Variants in CT55 observed in about 807,000 individuals in gnomAD.
The protein encoded by CT55 is cancer/testis antigen 55.
Under a neutral mutation model 12.6 loss-of-function variants are expected in CT55, and 1 was observed. The observed-to-expected ratio is 0.08, with a 90% confidence interval of 0.03 to 0.38. CT55 has a LOEUF of 0.38. Ranked by LOEUF, CT55 falls within the 10% of genes least tolerant of loss-of-function variation. The pLI, the probability that CT55 is intolerant of heterozygous loss-of-function variation, is 0.99. For missense variants in CT55, 109 were observed against 135.4 expected, an observed-to-expected ratio of 0.80 and a Z score of 0.97; for synonymous variants, 43 against 49.7, an observed-to-expected ratio of 0.87 and a Z score of 0.57.
intron 3 of CT55, among the ~76,000 whole-genome samples, chrX:135,159,901 C>G (rs1300673827): frequency 9.1e-6 from 1 of 109,636 alleles, no homozygotes; most frequent in African/African-American, 3.4e-5. Context: ...ATATATCTGC[C>G]GATTACAAAG....
Position 135,163,540 on chromosome X carries a change from G to A in CT55, c.280-2985C>T, listed in dbSNP as rs782565501. 1.7e-4 allele frequency among the ~76,000 whole-genome samples: 19 copies of A among 111,045 alleles called. No homozygotes were observed. In the South Asian group the frequency reaches 7.3e-3, roughly 43 times the overall value. The stretch of plus-strand genomic sequence containing the variant: ...AGACAAAATTAAAAGGAAGGACACG[G>A]AATGAAAAAAAACTAGATTTCTGGG... On this transcript the variant is annotated intron_variant, in intron 2 of 5. Transcript: ENST00000276241.
intron 2 of CT55, among the ~76,000 whole-genome samples, chrX:135,163,207 A>T (rs2083569725): frequency 1.8e-5 from 2 of 112,577 alleles, no homozygotes; most frequent in South Asian, 7.4e-4. Context: ...CACCAAACTG[A>T]CAAAACAAGG....
chrX:135,163,183 G>A (rs1556405455), intron 2 of CT55, among the ~76,000 whole-genome samples: 1 of 112,085 alleles, frequency 8.9e-6, no homozygotes, highest in African/African-American at 3.2e-5. Flanking sequence ...AACACAATAA[G>A]GAAAACATGA....
At chrX:135,160,006 G>A (rs1184548977) in intron 3 of CT55, among the ~76,000 whole-genome samples, 2 of 111,434 alleles carry the variant, frequency 1.8e-5, no homozygotes, top group Admixed American at 1.9e-4. Context: ...CATTTGAAGT[G>A]TATTCTTTTA....
chrX:135,169,514 G>A (rs2083601278), intron 2 of CT55, 80 bp downstream of exon 2: 8 of 805,724 alleles, frequency 9.9e-6, no homozygotes, highest in East Asian at 3.3e-5. Context: ...CAGAGATGTC[G>A]GATTAACTCA....
At chrX:135,167,963 G>A (rs1371938960) in intron 2 of CT55, among the ~76,000 whole-genome samples, 1 of 111,423 alleles carries the variant, frequency 9.0e-6, no homozygotes, top group African/African-American at 3.3e-5. Context: ...CAAGGATGTG[G>A]AGAAATTGGA....
intron 2 of CT55, among the ~76,000 whole-genome samples, chrX:135,163,511 G>C (rs182945551): frequency 8.1e-5 from 9 of 111,005 alleles, no homozygotes; most frequent in African/African-American, 3.0e-4. Context: ...TATACAGTCA[G>C]AGGAGACAAA....
intron 2 of CT55, 72 bp downstream of exon 2, chrX:135,169,522 T>G: frequency 1.1e-6 from 1 of 888,654 alleles, no homozygotes; most frequent in Non-Finnish European, 1.6e-6. Context: ...TCGGATTAAC[T>G]CAAGAAAAGA....
intron 3 of CT55, 93 bp downstream of exon 3, chrX:135,160,318 C>T (rs781857817): frequency 9.2e-5 from 88 of 959,136 alleles, no homozygotes; most frequent in African/African-American, 8.3e-4. Flanking sequence ...GAGCCATTGA[C>T]TGAAGCCAAG....
Position 135,171,071 on chromosome X carries a change from G to A in CT55, c.94+7C>T, listed in dbSNP as rs782157091. 5.8e-6 allele frequency: 7 copies of A among 1,209,356 alleles called. No individual in the cohort carries two copies. In the East Asian group the frequency reaches 8.9e-5, roughly 15 times the overall value. On this transcript the variant is annotated splice_region_variant and intron_variant, in intron 1 of 5. Coordinates refer to ENST00000276241, the MANE Select transcript of CT55 (RefSeq NM_001031705.3). ...GGTGGGGGACAAGGGGACACACAGA[G>A]GAATACCTTGTGGGAGGCCCTGCTG... is the stretch of plus-strand genomic sequence containing the variant.
intron 3 of CT55, among the ~76,000 whole-genome samples, chrX:135,158,731 G>A (rs2083548544): frequency 8.9e-6 from 1 of 112,355 alleles, no homozygotes; most frequent in African/African-American, 3.2e-5. Context: ...TGGTTAATCT[G>A]TCTGTGCCTC....
At position 135,160,549 on chromosome X, in the gene CT55, C is replaced by A; in HGVS notation, c.286G>T (p.Val96Phe). ...HYGLRAIKVD[V>F]VPRHLYGAGP... is the part of the protein sequence containing the mutation. ...GCACCATAAAGATGGCGAGGCACAA[C>A]ATCCACCTGTAAGATTTAGGAAAGA... Residue 96 changes from valine to phenylalanine, a missense_variant, in exon 3 of 6, where the codon GTT (valine) becomes TTT (phenylalanine). Transcript: ENST00000276241. The A allele has an allele frequency of 8.4e-7, 1 of 1,186,170 alleles. No homozygotes were observed. Among genetic ancestry groups the A allele is most frequent in the Non-Finnish European group, 1.1e-6 (1 of 888,096 alleles).
rs190409918 is a variant in CT55 at position 135,161,419 on chromosome X, T to G, written c.280-864A>C. Among the ~76,000 whole-genome samples the G allele has an allele frequency of 4.2e-3, 473 of 112,243 alleles. 2 individuals carry two copies. Among genetic ancestry groups the G allele is most frequent in the Non-Finnish European group, 5.9e-3 (314 of 53,261 alleles). On this transcript the variant is annotated intron_variant, in intron 2 of 5. Coordinates refer to ENST00000276241, the MANE Select transcript of CT55 (RefSeq NM_001031705.3). ...TTTGGCAGTAACACTCATCCTGATG[T>G]TTTTGTCTGTGCACAAATATATATA... is the stretch of plus-strand genomic sequence containing the variant.
Position 135,158,219 on chromosome X carries a change from G to A in CT55, c.517C>T (p.Arg173Cys). 2 of 1,199,574 alleles carry A rather than the reference G, an allele frequency of 1.7e-6. No individual in the cohort carries two copies. The highest frequency in any genetic ancestry group is 2.3e-6 in the Non-Finnish European group (2 of 884,553). The change falls in exon 4 of 6, where the codon CGT (arginine) becomes TGT (cysteine). Residue 173 changes from arginine to cysteine, a missense_variant. Transcript: ENST00000276241. ...NIKATSVKPI[R>C]CIHTEEVCIT... ...ATTACCTCTTCCGTATGAATACAACGGATGGGCTTCACAGAAGTTGCCTTG... is the reference window on the plus strand; with the variant it reads ...ATTACCTCTTCCGTATGAATACAACAGATGGGCTTCACAGAAGTTGCCTTG...
intron 2 of CT55, among the ~76,000 whole-genome samples, chrX:135,166,068 AC>A (rs1556405970): frequency 9.8e-6 from 1 of 101,746 alleles, no homozygotes; most frequent in Non-Finnish European, 2.0e-5. Context: ...AAAAAAACGG[AC>A]AAGAGACGAA....
intron 2 of CT55, among the ~76,000 whole-genome samples, chrX:135,164,084 T>C (rs1324634600): frequency 2.7e-5 from 3 of 111,680 alleles, no homozygotes; most frequent in Non-Finnish European, 5.7e-5. Context: ...TAATGAGTAA[T>C]GCAAAAACAT....
At chrX:135,165,347 A>G (rs1450605209) in intron 2 of CT55, among the ~76,000 whole-genome samples, 1 of 112,216 alleles carries the variant, frequency 8.9e-6, no homozygotes, top group Non-Finnish European at 1.9e-5. Flanking sequence ...GTCAATGAAG[A>G]AATTAGAAGC....
chrX:135,159,884 T>C (rs2083555064), intron 3 of CT55, among the ~76,000 whole-genome samples: 1 of 110,652 alleles, frequency 9.0e-6, no homozygotes, highest in Admixed American at 9.7e-5. Flanking sequence ...AGAAGCTAAA[T>C]ATTAGAATAT....
chrX:135,158,170 G>T (rs781810496), intron 4 of CT55, 29 bp downstream of exon 4: 52 of 957,050 alleles, frequency 5.4e-5, no homozygotes, highest in Admixed American at 3.8e-4. Flanking sequence ...AGCAGAAACT[G>T]CTGACGGGAG....
Sources: gnomAD v4.1 joint callset for allele counts (sites outside exome capture counted in the v4.1 genomes callset) on GRCh38, gnomAD v4.1.1 for gene constraint, MANE v1.5 for transcripts, NCBI Gene and HGNC (gene_info 2026-07-23, HGNC 2026-07-21) for gene names.